The following PARD3B variants were observed in gnomAD, a reference collection of about 807,000 sequenced individuals.
PARD3B encodes the protein par-3 family cell polarity regulator beta, also known as partitioning defective 3 homolog B.
In PARD3B, 103 loss-of-function variants were observed where a neutral mutation model predicts 130.2. That is an observed-to-expected ratio of 0.79 (90% CI 0.67 to 0.93). The LOEUF is 0.93. Ranked by LOEUF, PARD3B falls within the 40% of genes least tolerant of loss-of-function variation. The probability of loss-of-function intolerance (pLI) is 0.00; values close to 1 mark genes in which losing one functional copy is unlikely to be tolerated. For missense variants in PARD3B, 1,609 were observed against 1,499.2 expected, an observed-to-expected ratio of 1.07 and a Z score of -1.21; for synonymous variants, 583 against 553.2, an observed-to-expected ratio of 1.05 and a Z score of -0.76.
intron 20 of PARD3B, among the ~76,000 whole-genome samples, chr2:205,493,062 A>C (rs1214672449): frequency 1.3e-5 from 2 of 152,152 alleles, no homozygotes; most frequent in East Asian, 3.9e-4. Flanking sequence ...TCAGCTGAAT[A>C]TTCTTTTCCA....
At chr2:205,542,398 G>A (rs535994956) in intron 21 of PARD3B, among the ~76,000 whole-genome samples, 87 of 151,404 alleles carry the variant, frequency 5.7e-4, no homozygotes, top group African/African-American at 2.1e-3. Flanking sequence ...ATGTATGTAT[G>A]TGTGCTTATT....
intron 18 of PARD3B, among the ~76,000 whole-genome samples, chr2:205,375,925 G>T (rs1471063431): frequency 2.0e-5 from 3 of 152,152 alleles, no homozygotes; most frequent in Non-Finnish European, 2.9e-5. Flanking sequence ...ATTTCAAGAA[G>T]TATAGAATGC....
At chr2:205,465,443 CT>C (rs2048587711) in intron 20 of PARD3B, among the ~76,000 whole-genome samples, 1 of 152,142 alleles carries the variant, frequency 6.6e-6, no homozygotes, top group South Asian at 2.1e-4. Flanking sequence ...GCTATGCTGA[CT>C]ATTCATTTTT....
At chr2:204,882,187 A>G (rs566342581) in intron 2 of PARD3B, among the ~76,000 whole-genome samples, 2 of 152,158 alleles carry the variant, frequency 1.3e-5, no homozygotes, top group African/African-American at 4.8e-5. Context: ...CAAGAAAAGC[A>G]ATTTTCTAAA....
intron 1 of PARD3B, among the ~76,000 whole-genome samples, chr2:204,615,820 A>G (rs531926484): frequency 6.6e-6 from 1 of 152,262 alleles, no homozygotes; most frequent in African/African-American, 2.4e-5. Context: ...TAACTCTCAT[A>G]CTTTGGAATG....
In PARD3B at chr2:205,313,362, G is replaced by A. The variant is rs556760213; in HGVS notation, c.2630+11661G>A. ...CTGTCAAGCATATCTGCAAATGTTT[G>A]TTTATCCTTCTGTTTTTTGAGCACA... On this transcript the variant is annotated intron_variant, in intron 18 of 22. Transcript: ENST00000406610. Among the ~76,000 whole-genome samples the A allele has an allele frequency of 5.3e-5, 8 of 152,254 alleles. No homozygotes were observed. The South Asian group carries it at 1.7e-3, about 32-fold the overall frequency.
At chr2:204,910,342 G>GT (rs1426239023) in intron 2 of PARD3B, among the ~76,000 whole-genome samples, 1 of 152,134 alleles carries the variant, frequency 6.6e-6, no homozygotes, top group African/African-American at 2.4e-5. Context: ...AGAACAGACT[G>GT]TTTTTTGTAG....
chr2:205,122,841 A>G lies in PARD3B; in HGVS notation c.1165+892A>G, dbSNP rs759393891. ...TCTGATCAAAATTTCATTCACCTAT[A>G]AGAATTCTATTCTGGGAATAAAATA... On this transcript the variant is annotated intron_variant, in intron 8 of 22. Coordinates refer to ENST00000406610, the MANE Select transcript of PARD3B (RefSeq NM_001302769.2). This position sits in a 1 kb window ranked among gnomAD's most constrained non-coding sequence, Gnocchi z 4.3. Among the ~76,000 whole-genome samples, 14 of 152,242 alleles carry G rather than the reference A, an allele frequency of 9.2e-5. No individual in the cohort carries two copies. The highest frequency in any genetic ancestry group is 1.9e-4 in the Non-Finnish European group (13 of 68,030).
intron 1 of PARD3B, among the ~76,000 whole-genome samples, chr2:204,674,806 G>A (rs2036459699): frequency 6.6e-6 from 1 of 152,134 alleles, no homozygotes. Context: ...ACAACTGGTA[G>A]ACACTATCTG....
chr2:205,073,467 A>T (rs927120254), intron 4 of PARD3B, among the ~76,000 whole-genome samples: 1 of 152,134 alleles, frequency 6.6e-6, no homozygotes, highest in East Asian at 1.9e-4. Flanking sequence ...ATCTCATGCT[A>T]TTTTTTCGGG....
At chr2:205,362,407 A>G (rs979088448) in intron 18 of PARD3B, among the ~76,000 whole-genome samples, 6 of 152,146 alleles carry the variant, frequency 3.9e-5, no homozygotes, top group African/African-American at 1.4e-4. Context: ...TATGTGTCTC[A>G]TCTCAATCAG....
intron 16 of PARD3B, among the ~76,000 whole-genome samples, chr2:205,298,388 C>A (rs961810684): frequency 1.5e-4 from 23 of 152,210 alleles, no homozygotes; most frequent in African/African-American, 4.8e-4. Context: ...ACTTATCTTC[C>A]TTCCTGGGAA....
At chr2:204,798,192 T>C (rs1245312983) in intron 2 of PARD3B, among the ~76,000 whole-genome samples, 2 of 152,056 alleles carry the variant, frequency 1.3e-5, no homozygotes, top group Non-Finnish European at 2.9e-5. Context: ...TACTCCCTCA[T>C]CCCCCAGCAG....
chr2:204,817,825 C>A (rs542686111), intron 2 of PARD3B, among the ~76,000 whole-genome samples: 1 of 152,202 alleles, frequency 6.6e-6, no homozygotes, highest in South Asian at 2.1e-4. Context: ...ATAGAGCTCA[C>A]CGTGTTTGTT....
intron 20 of PARD3B, 31 bp from the exon 21 acceptor site, chr2:205,499,865 G>C (rs779537172): frequency 1.2e-6 from 2 of 1,605,586 alleles, no homozygotes; most frequent in African/African-American, 1.3e-5. Flanking sequence ...TGTACACTGT[G>C]TGAATCTGAT....
At chr2:205,497,632 G>C (rs2049984077) in intron 20 of PARD3B, among the ~76,000 whole-genome samples, 1 of 151,852 alleles carries the variant, frequency 6.6e-6, no homozygotes, top group Non-Finnish European at 1.5e-5. Context: ...AGCCTCACTT[G>C]TCCCTCTTCT....
At chr2:205,360,468 A>G (rs539857155) in intron 18 of PARD3B, among the ~76,000 whole-genome samples, 1 of 152,214 alleles carries the variant, frequency 6.6e-6, no homozygotes, top group Non-Finnish European at 1.5e-5. Flanking sequence ...ATTTCCTTCT[A>G]CTGAGCTGAT....
At chr2:205,363,217 A>G (rs906194373) in intron 18 of PARD3B, among the ~76,000 whole-genome samples, 7 of 152,174 alleles carry the variant, frequency 4.6e-5, no homozygotes, top group Non-Finnish European at 5.9e-5. Flanking sequence ...AGAACCAGGG[A>G]AAATCAAACA....
chr2:204,777,893 C>T (rs72934207), intron 2 of PARD3B, among the ~76,000 whole-genome samples: 31,584 of 151,954 alleles, frequency 0.21, 3,323 homozygotes, highest in African/African-American at 0.22. Context: ...GTGGTTTCCC[C>T]ATTCTGTTCT....
Sources: allele counts gnomAD v4.1 joint callset (sites outside exome capture counted in the v4.1 genomes callset), GRCh38; gene constraint gnomAD v4.1.1; non-coding constraint Gnocchi (gnomAD v3.1); transcripts MANE v1.5; gene names NCBI Gene and HGNC (gene_info 2026-07-23, HGNC 2026-07-21).